Variants in CR1L observed in about 807,000 individuals in gnomAD.
CR1L encodes complement C3b/C4b receptor 1 like.
Under a neutral mutation model 62.3 loss-of-function variants are expected in CR1L, and 59 were observed. That is an observed-to-expected ratio of 0.95 (90% confidence interval 0.77 to 1.18). The LOEUF (loss-of-function observed/expected upper bound fraction) is 1.18, where lower values mean the gene tolerates loss of function less well. Ranked by LOEUF, CR1L falls within the 50% of genes most tolerant of loss-of-function variation. CR1L has a pLI of 0.00. For synonymous variants in CR1L, 279 were observed against 248.7 expected (o/e 1.12, Z -1.15); for missense variants, 700 against 702.8 (o/e 1.00, Z 0.04).
At chr1:207,706,044 T>TATATATATAA (rs1491230856) in intron 9 of CR1L, among the ~76,000 whole-genome samples, 1 of 118,836 alleles carries the variant, frequency 8.4e-6, no homozygotes, top group Non-Finnish European at 1.8e-5. Context: ...TATATATATA[T>TATATATATAA]AAAACACTGA....
chr1:207,717,317 C>T (rs1654022626), intron 10 of CR1L, 147 bp from the exon 11 acceptor site: 1 of 947,652 alleles, frequency 1.1e-6, no homozygotes, highest in Non-Finnish European at 1.5e-6. Context: ...TCAACAAAAG[C>T]CTTACAGATT....
intron 8 of CR1L, among the ~76,000 whole-genome samples, chr1:207,699,748 T>G (rs1664162931): frequency 6.6e-6 from 1 of 152,202 alleles, no homozygotes; most frequent in Non-Finnish European, 1.5e-5. Flanking sequence ...AATCAATTAT[T>G]TATTGATCAC....
At chr1:207,706,003 G>T (rs1664259861) in intron 9 of CR1L, among the ~76,000 whole-genome samples, 1 of 89,744 alleles carries the variant, frequency 1.1e-5, no homozygotes, top group African/African-American at 4.6e-5. Flanking sequence ...ATATATATGT[G>T]TGTGTGTATG....
chr1:207,694,871 C>G, intron 5 of CR1L, 120 bp downstream of exon 5: 1 of 1,532,970 alleles, frequency 6.5e-7, no homozygotes, highest in African/African-American at 1.4e-5. Context: ...AGCAAATTTT[C>G]TAGGTAGTGA....
chr1:207,698,476 T>C (rs955627075), intron 7 of CR1L, among the ~76,000 whole-genome samples: 4 of 152,152 alleles, frequency 2.6e-5, no homozygotes, highest in African/African-American at 9.7e-5. Context: ...GTCCACCTAG[T>C]GCTCTTCACA....
chr1:207,652,721 A>G, intron 1 of CR1L: 2 of 857,304 alleles, frequency 2.3e-6, no homozygotes, highest in Non-Finnish European at 2.0e-6. Context: ...CCTGTCTCAG[A>G]TGAGCCCTGT....
At chr1:207,682,395 C>T (rs1663813132) in intron 3 of CR1L, among the ~76,000 whole-genome samples, 1 of 152,060 alleles carries the variant, frequency 6.6e-6, no homozygotes, top group Admixed American at 6.6e-5. Flanking sequence ...TCACTTGAAT[C>T]TGGGAGGTGG....
rs1197798806 is a variant in CR1L, at chr1:207,677,378, T to C, written c.98-11T>C. 5 of 1,577,486 alleles carry C rather than the reference T, an allele frequency of 3.2e-6. No individual in the cohort carries two copies. Among genetic ancestry groups the C allele is most frequent in the Non-Finnish European group, 3.4e-6 (4 of 1,162,162 alleles). On this transcript the variant is annotated splice_polypyrimidine_tract_variant and intron_variant, in intron 1 of 11. Transcript: ENST00000508064. ...CATTAACTTCGATGCTGCTGTGGTCTTGATCCCCAGATCAATGCAATGTCC... is the reference window on the plus strand; with the variant it reads ...CATTAACTTCGATGCTGCTGTGGTCCTGATCCCCAGATCAATGCAATGTCC...
chr1:207,714,580 G>A (rs1047824173), intron 10 of CR1L, among the ~76,000 whole-genome samples: 1 of 152,064 alleles, frequency 6.6e-6, no homozygotes, highest in Non-Finnish European at 1.5e-5. Context: ...CATTATTCTT[G>A]GTGATACAGT....
At chr1:207,649,567 C>G (rs1663191098) in intron 1 of CR1L, among the ~76,000 whole-genome samples, 1 of 152,096 alleles carries the variant, frequency 6.6e-6, no homozygotes, top group Admixed American at 6.5e-5. Flanking sequence ...GTTTGTCGGT[C>G]TCAGCATGTG....
At chr1:207,678,811 G>A (rs1157487463) in intron 3 of CR1L, among the ~76,000 whole-genome samples, 2 of 152,094 alleles carry the variant, frequency 1.3e-5, no homozygotes, top group East Asian at 3.9e-4. Context: ...CCATAGCCAT[G>A]CTCCCTCCAA....
intron 1 of CR1L, among the ~76,000 whole-genome samples, chr1:207,663,651 T>A (rs531853587): frequency 6.6e-6 from 1 of 152,340 alleles, no homozygotes; most frequent in African/African-American, 2.4e-5. Context: ...CCCACTGTCC[T>A]GCACTCCCCA....
chr1:207,657,200 A>G (rs764086915), intron 1 of CR1L: 20 of 1,162,472 alleles, frequency 1.7e-5, no homozygotes, highest in African/African-American at 6.0e-5. Context: ...TGAGTATCTT[A>G]ATGCAGTAAC....
intron 1 of CR1L, among the ~76,000 whole-genome samples, chr1:207,664,348 A>G (rs1663475760): frequency 1.3e-5 from 2 of 152,290 alleles, no homozygotes; most frequent in South Asian, 2.1e-4. Context: ...ATTTGTTTAT[A>G]TATTTCCTAT....
intron 9 of CR1L, among the ~76,000 whole-genome samples, chr1:207,704,076 A>G (rs1430471316): frequency 2.0e-5 from 3 of 152,264 alleles, no homozygotes; most frequent in Non-Finnish European, 4.4e-5. Flanking sequence ...GAAAGAATTA[A>G]TCATTCTACA....
chr1:207,693,119 A>G (rs1375982973), intron 4 of CR1L, among the ~76,000 whole-genome samples: 1 of 152,164 alleles, frequency 6.6e-6, no homozygotes, highest in Admixed American at 6.5e-5. Flanking sequence ...TGTTGTGTCT[A>G]GGTAAGTATT....
chr1:207,706,519 G>A (rs1220330233), intron 9 of CR1L, among the ~76,000 whole-genome samples: 1 of 152,092 alleles, frequency 6.6e-6, no homozygotes, highest in Non-Finnish European at 1.5e-5. Flanking sequence ...CCCATACCTA[G>A]CCATCACTAG....
chr1:207,645,811 G>T (rs572636986), intron 1 of CR1L, among the ~76,000 whole-genome samples: 24 of 152,174 alleles, frequency 1.6e-4, no homozygotes, highest in Non-Finnish European at 3.1e-4. Context: ...CAGTGCGTCT[G>T]CTGTGCCCCA....
intron 8 of CR1L, among the ~76,000 whole-genome samples, chr1:207,700,909 A>G (rs1664179873): frequency 6.6e-6 from 1 of 152,238 alleles, no homozygotes; most frequent in Non-Finnish European, 1.5e-5. Context: ...TTAAAGTTGT[A>G]AAGTAAGTAA....
Sources: allele counts gnomAD v4.1 joint callset (sites outside exome capture counted in the v4.1 genomes callset), GRCh38; gene constraint gnomAD v4.1.1; transcripts MANE v1.5; gene names NCBI Gene and HGNC (gene_info 2026-07-23, HGNC 2026-07-21).